The following NPSR1 variants were observed in gnomAD, a reference collection of about 807,000 sequenced individuals.
NPSR1 encodes the protein neuropeptide S receptor.
Under a neutral mutation model 46.9 loss-of-function variants are expected in NPSR1, and 48 were observed. The ratio of observed to expected loss-of-function variants is 1.02; its 90% CI spans 0.81 to 1.30. The LOEUF (loss-of-function observed/expected upper bound fraction) is 1.30. NPSR1 is among the 50% of genes most tolerant of loss of function. The pLI, the probability that NPSR1 is intolerant of heterozygous loss-of-function variation, is 0.00. For missense variants in NPSR1, 450 were observed against 449.5 expected, an observed-to-expected ratio of 1.00 and a Z score of -0.01; for synonymous variants, 176 against 168.1, an observed-to-expected ratio of 1.05 and a Z score of -0.36.
At chr7:34,818,304 A>C (rs1489027806) in intron 4 of NPSR1, among the ~76,000 whole-genome samples, 1 of 152,218 alleles carries the variant, frequency 6.6e-6, no homozygotes, top group Non-Finnish European at 1.5e-5. Context: ...ATCATGAGTG[A>C]ATTCCCATTC....
At chr7:34,851,466 G>C (rs1790933587), downstream of NPSR1, among the ~76,000 whole-genome samples, 1 of 152,068 alleles carries the variant, frequency 6.6e-6, no homozygotes, top group South Asian at 2.1e-4. Flanking sequence ...CAACAGTTTT[G>C]AAGGCTGCCT....
chr7:34,663,497 T>C (rs1791578281), intron 1 of NPSR1, among the ~76,000 whole-genome samples: 1 of 152,172 alleles, frequency 6.6e-6, no homozygotes, highest in Non-Finnish European at 1.5e-5. Context: ...TGGGAGACTG[T>C]ACTTCCCTGG....
At chr7:34,791,923 G>A (rs907024681) in intron 3 of NPSR1, among the ~76,000 whole-genome samples, 2 of 152,102 alleles carry the variant, frequency 1.3e-5, no homozygotes, top group Non-Finnish European at 2.9e-5. Flanking sequence ...ATCTTCAACA[G>A]TGATGCCAAA....
intron 2 of NPSR1, among the ~76,000 whole-genome samples, chr7:34,764,076 TA>T (rs1786310577): frequency 6.6e-6 from 1 of 152,166 alleles, no homozygotes; most frequent in Non-Finnish European, 1.5e-5. Context: ...CTGGAAATTA[TA>T]AAAGATAAAT....
chr7:34,858,593 G>A (rs568035634), intron 8 of NPSR1, among the ~76,000 whole-genome samples: 2 of 151,840 alleles, frequency 1.3e-5, no homozygotes, highest in Admixed American at 1.3e-4. Context: ...AAAAGAAAGA[G>A]GTTTATTGGA....
At chr7:34,756,577 G>C (rs1023092552) in intron 2 of NPSR1, among the ~76,000 whole-genome samples, 2 of 152,136 alleles carry the variant, frequency 1.3e-5, no homozygotes, top group Admixed American at 1.3e-4. Flanking sequence ...GAGCAAACAG[G>C]CATGGCTGTG....
intron 2 of NPSR1, among the ~76,000 whole-genome samples, chr7:34,688,211 T>A (rs1243818188): frequency 6.6e-6 from 1 of 152,174 alleles, no homozygotes; most frequent in East Asian, 1.9e-4. Flanking sequence ...AAAATAAATC[T>A]TCTTTGGAGG....
At chr7:34,841,263 AG>A (rs1790555313) in intron 6 of NPSR1, among the ~76,000 whole-genome samples, 1 of 152,198 alleles carries the variant, frequency 6.6e-6, no homozygotes, top group South Asian at 2.1e-4. Context: ...TGAAATCCCA[AG>A]GTACCAATTG....
At chr7:34,871,116 G>T (rs575118427) in intron 8 of NPSR1, among the ~76,000 whole-genome samples, 2 of 151,786 alleles carry the variant, frequency 1.3e-5, no homozygotes, top group African/African-American at 4.9e-5. Context: ...ATTGGTTCAT[G>T]GTTCTGCAGG....
intron 2 of NPSR1, among the ~76,000 whole-genome samples, chr7:34,749,295 C>T (rs115268163): frequency 0.011 from 1,618 of 152,234 alleles, 27 homozygotes; most frequent in African/African-American, 0.034. Context: ...TAACATTTCT[C>T]TTGATTCTCT....
intron 3 of NPSR1, among the ~76,000 whole-genome samples, chr7:34,802,909 C>A (rs1011533792): frequency 5.3e-5 from 8 of 150,368 alleles, no homozygotes; most frequent in Non-Finnish European, 1.0e-4. Context: ...GGGCGAAGGA[C>A]AAGAACAGAC....
chr7:34,844,294 C>T (rs939195538), intron 6 of NPSR1, among the ~76,000 whole-genome samples: 4 of 152,078 alleles, frequency 2.6e-5, no homozygotes, highest in Admixed American at 2.0e-4. Flanking sequence ...AAAACAAAGC[C>T]CCTGTCCTCA....
At chr7:34,866,409 T>C (rs1791316210) in intron 8 of NPSR1, among the ~76,000 whole-genome samples, 1 of 151,720 alleles carries the variant, frequency 6.6e-6, no homozygotes, top group East Asian at 1.9e-4. Context: ...GATGAGAGGA[T>C]AGCGGAGGGA....
chr7:34,699,883 G>GA (rs1207689187), intron 2 of NPSR1, among the ~76,000 whole-genome samples: 1 of 152,094 alleles, frequency 6.6e-6, no homozygotes, highest in Non-Finnish European at 1.5e-5. Flanking sequence ...GTGGGGTGGG[G>GA]AGATAATAGG....
intron 2 of NPSR1, among the ~76,000 whole-genome samples, chr7:34,694,516 G>A (rs1202722980): frequency 2.0e-5 from 3 of 152,142 alleles, no homozygotes; most frequent in African/African-American, 7.2e-5. Context: ...AGAAATTGTA[G>A]ATAACACACA....
At chr7:34,786,214 T>C (rs539759229) in intron 3 of NPSR1, among the ~76,000 whole-genome samples, 241 of 152,268 alleles carry the variant, frequency 1.6e-3, no homozygotes, top group Admixed American at 5.0e-3. Flanking sequence ...AATTATTTGT[T>C]ATCATTTCAG....
chr7:34,812,442 A>G (rs144379745), intron 4 of NPSR1, among the ~76,000 whole-genome samples: 164 of 152,268 alleles, frequency 1.1e-3, no homozygotes, highest in African/African-American at 3.8e-3. Flanking sequence ...CCCCTAGGAG[A>G]TGCTGAAGTG....
In NPSR1 at chr7:34,814,253, A is replaced by T. The variant is rs906009404; in HGVS notation, c.478+2390A>T. Among the ~76,000 whole-genome samples, 11 of 152,262 alleles carry T rather than the reference A, an allele frequency of 7.2e-5. 1 individual carries two copies. The highest frequency in any genetic ancestry group is 2.7e-4 in the African/African-American group (11 of 41,478). On this transcript the variant is annotated intron_variant, in intron 4 of 8. Transcript: ENST00000360581. ...CGAGCAGACAAGGAGATTCTCTCCCATGCCTGGCTCAGGAGGTCTGGAGCC... is the reference window on the plus strand; with the variant it reads ...CGAGCAGACAAGGAGATTCTCTCCCTTGCCTGGCTCAGGAGGTCTGGAGCC...
intron 3 of NPSR1, chr7:34,779,425 G>A (rs563702915): frequency 1.3e-5 from 4 of 315,772 alleles, no homozygotes; most frequent in African/African-American, 8.6e-5. Context: ...TATATATAAT[G>A]CATTTCTAGA....
Sources: gnomAD v4.1 joint callset for allele counts (sites outside exome capture counted in the v4.1 genomes callset) on GRCh38, gnomAD v4.1.1 for gene constraint, MANE v1.5 for transcripts, NCBI Gene and HGNC (gene_info 2026-07-23, HGNC 2026-07-21) for gene names.